The following FIG4 variants were observed in gnomAD, a reference collection of about 807,000 sequenced individuals.
FIG4 encodes polyphosphoinositide phosphatase.
FIG4 carries 112 observed loss-of-function variants against 118.6 expected under a neutral mutation model. The ratio of observed to expected loss-of-function variants is 0.94; its 90% CI spans 0.81 to 1.11. FIG4 has a LOEUF of 1.11. FIG4 is among the 50% of genes least tolerant of loss of function. The pLI, the probability that FIG4 is intolerant of heterozygous loss-of-function variation, is 0.00. For missense variants in FIG4, 969 were observed against 1,111.7 expected (o/e 0.87, Z 1.83); for synonymous variants, 369 against 381.2 (o/e 0.97, Z 0.37).
chr6:109,728,113 G>C (rs1486822762), intron 4 of FIG4, among the ~76,000 whole-genome samples: 1 of 152,176 alleles, frequency 6.6e-6, no homozygotes, highest in African/African-American at 2.4e-5. Context: ...GGTCACTGAG[G>C]AGATTGTCCT....
At chr6:109,747,436 T>C (rs1032265001) in intron 10 of FIG4, among the ~76,000 whole-genome samples, 1 of 151,998 alleles carries the variant, frequency 6.6e-6, no homozygotes, top group Non-Finnish European at 1.5e-5. Context: ...GGAGAAAGCG[T>C]GTTTCACAAT....
At chr6:109,776,794 G>A in intron 15 of FIG4, 128 bp from the exon 16 acceptor site, 2 of 731,746 alleles carry the variant, frequency 2.7e-6, no homozygotes, top group Admixed American at 2.3e-5. Flanking sequence ...TGTGTATGAA[G>A]TATTTGTATT....
At chr6:109,765,226 GA>G in intron 14 of FIG4, 65 bp downstream of exon 14, 2 of 1,390,336 alleles carry the variant, frequency 1.4e-6, no homozygotes, top group Admixed American at 3.4e-5. Flanking sequence ...TTACTAATAA[GA>G]TTTTTTTATG....
At chr6:109,742,983 C>T (rs1020991410) in intron 8 of FIG4, 127 bp from the exon 9 acceptor site, 1 of 857,114 alleles carries the variant, frequency 1.2e-6, no homozygotes, top group African/African-American at 1.7e-5. Flanking sequence ...ATATTTACCT[C>T]TCAAGACTTT....
chr6:109,791,568 C>T lies in FIG4; in HGVS notation c.2373C>T (p.Thr791=), dbSNP rs371560862. The T allele has an allele frequency of 8.1e-6, 13 of 1,613,528 alleles. No individual in the cohort carries two copies. Among genetic ancestry groups the T allele is most frequent in the African/African-American group, 4.0e-5 (3 of 74,882 alleles). Residue 791 remains threonine, a synonymous_variant, in exon 20 of 23, where the codon ACC becomes ACT. Coordinates refer to ENST00000230124, the MANE Select transcript of FIG4 (RefSeq NM_014845.6). ...ATGCAGGAGACAGTGCCAAAGTGAC[C>T]GAGGTGCGGGGGAGGGAAGCCTGTG... ...MTDAGDSAKV[T]ENVVQPMKEL...
intron 13 of FIG4, 130 bp from the exon 14 acceptor site, chr6:109,764,883 T>C (rs2128392153): frequency 1.3e-6 from 1 of 786,780 alleles, no homozygotes; most frequent in East Asian, 2.6e-5. Flanking sequence ...GAATAATACC[T>C]GCCCACAGAC....
intron 10 of FIG4, among the ~76,000 whole-genome samples, chr6:109,744,613 G>A (rs1776426037): frequency 6.6e-6 from 1 of 151,924 alleles, no homozygotes; most frequent in Admixed American, 6.6e-5. Context: ...GACCCTGTGT[G>A]TCCATTTAGT....
chr6:109,739,877 C>A (rs12193345), intron 7 of FIG4, among the ~76,000 whole-genome samples: 2,021 of 152,176 alleles, frequency 0.013, 33 homozygotes, highest in Non-Finnish European at 0.019. Context: ...GCACAGCTGG[C>A]GAGGTTAGCC....
In FIG4 at chr6:109,822,826, TA is replaced by T. The variant is rs1583782840; in HGVS notation, c.2547-2261del. Among the ~76,000 whole-genome samples the T allele has an allele frequency of 3.7e-5, 5 of 135,958 alleles. No homozygotes were observed. The East Asian group carries it at 9.0e-4, about 24-fold the overall frequency. 89.2% of individuals were successfully genotyped at this position (135,958 alleles called of 152,430 possible). A position where few individuals can be genotyped will look rare whatever the true frequency, so the allele number is the denominator to read the frequency against. On this transcript the variant is annotated intron_variant, in intron 22 of 22. Transcript: ENST00000230124. ...ATATATATATATATATATATATATATATCGCTTTCTTCAGCATTGTTTTTAA... is the reference window on the plus strand; with the variant it reads ...ATATATATATATATATATATATATATTCGCTTTCTTCAGCATTGTTTTTAA...
rs115822365 is a variant in FIG4 at position 109,697,391 on chromosome 6, T to C, written c.66+5890T>C. ...AAGATTCAACTGGGTTGCAGTCATC[T>C]GAAGGCTTGAAAGAAATGGCAGATT... On this transcript the variant is annotated intron_variant, in intron 1 of 22. Coordinates refer to ENST00000230124, the MANE Select transcript of FIG4 (RefSeq NM_014845.6). Among the ~76,000 whole-genome samples, 1,043 of 152,080 alleles carry C rather than the reference T, an allele frequency of 6.9e-3. 13 individuals carry two copies. The highest frequency in any genetic ancestry group is 0.024 in the African/African-American group (1,009 of 41,540).
chr6:109,740,333 G>T (rs780515398), intron 7 of FIG4, among the ~76,000 whole-genome samples: 1 of 152,128 alleles, frequency 6.6e-6, no homozygotes, highest in Non-Finnish European at 1.5e-5. Context: ...AATGAATCTA[G>T]TTTCCTGGTT....
chr6:109,745,937 T>C (rs574377015), intron 10 of FIG4, among the ~76,000 whole-genome samples: 3 of 152,290 alleles, frequency 2.0e-5, no homozygotes, highest in Admixed American at 1.3e-4. Context: ...AGAGCCCATG[T>C]AGCCAAGACA....
At chr6:109,792,173 A>G (rs1228471039) in intron 20 of FIG4, among the ~76,000 whole-genome samples, 1 of 152,256 alleles carries the variant, frequency 6.6e-6, no homozygotes, top group Non-Finnish European at 1.5e-5. Flanking sequence ...TGTAAATAAA[A>G]TTACACTGGA....
intron 1 of FIG4, among the ~76,000 whole-genome samples, chr6:109,702,677 T>TCTC (rs1774940865): frequency 6.6e-6 from 1 of 151,572 alleles, no homozygotes; most frequent in Non-Finnish European, 1.5e-5. Flanking sequence ...TCCCTATTCT[T>TCTC]GGATATTTTA....
intron 15 of FIG4, among the ~76,000 whole-genome samples, chr6:109,769,226 C>T (rs189515395): frequency 6.6e-6 from 1 of 151,806 alleles, no homozygotes; most frequent in African/African-American, 2.4e-5. Flanking sequence ...CCTCAGCCTC[C>T]GGAGTGTAAT....
At chr6:109,714,937 G>T in intron 1 of FIG4, 141 bp from the exon 2 acceptor site, 1 of 569,692 alleles carries the variant, frequency 1.8e-6, no homozygotes, top group Non-Finnish European at 3.1e-6. Flanking sequence ...TCTTTAATCT[G>T]CCAGTTATAC....
chr6:109,738,498 T>C (rs764243071), intron 7 of FIG4, 45 bp downstream of exon 7: 26 of 1,549,028 alleles, frequency 1.7e-5, no homozygotes, highest in Non-Finnish European at 2.0e-5. Context: ...ACTAAACTTA[T>C]GATGTATCAA....
chr6:109,771,518 G>T (rs914872768), intron 15 of FIG4, among the ~76,000 whole-genome samples: 7 of 133,538 alleles, frequency 5.2e-5, no homozygotes, highest in Non-Finnish European at 1.1e-4. Context: ...GCCCAGGCTG[G>T]AGTGCAGTGG....
intron 10 of FIG4, among the ~76,000 whole-genome samples, chr6:109,747,079 G>T (rs527694654): frequency 6.6e-6 from 1 of 152,196 alleles, no homozygotes; most frequent in South Asian, 2.1e-4. Flanking sequence ...GAGGTTTGAG[G>T]TATGCTTGCG....
Sources: allele counts gnomAD v4.1 joint callset (sites outside exome capture counted in the v4.1 genomes callset), GRCh38; gene constraint gnomAD v4.1.1; transcripts MANE v1.5; gene names NCBI Gene and HGNC (gene_info 2026-07-23, HGNC 2026-07-21).